Variants in RABEP1 observed in about 807,000 individuals in gnomAD.
RABEP1 encodes the protein rabaptin, RAB GTPase binding effector protein 1.
Under a neutral mutation model 123.4 loss-of-function variants are expected in RABEP1, and 51 were observed. That is an observed-to-expected ratio of 0.41 (90% CI 0.33 to 0.52). The LOEUF (loss-of-function observed/expected upper bound fraction) is 0.52, where lower values mean the gene tolerates loss of function less well. Ranked by LOEUF, RABEP1 falls within the 20% of genes least tolerant of loss-of-function variation. The pLI, the probability that RABEP1 is intolerant of heterozygous loss-of-function variation, is 0.16. For missense variants in RABEP1, 888 were observed against 996.3 expected (o/e 0.89, Z 1.46); for synonymous variants, 347 against 355.2 (o/e 0.98, Z 0.26).
rs8075948 is a variant in RABEP1 at position 5,290,383 on chromosome 17, C to A, written c.34+7863C>A. Among the ~76,000 whole-genome samples, 12 of 152,086 alleles carry A rather than the reference C, an allele frequency of 7.9e-5. No individual in the cohort carries two copies. The South Asian group carries it at 8.3e-4, about 11-fold the overall frequency. On this transcript the variant is annotated intron_variant, in intron 1 of 17. Transcript: ENST00000537505. ...GATTACAGGCGTGAGCCACCGCGCC[C>A]GTCCTCCTTGATTATTCTTAAGTAT... is the stretch of plus-strand genomic sequence containing the variant.
chr17:5,314,757 A>T (rs2075280089), intron 2 of RABEP1, among the ~76,000 whole-genome samples: 1 of 152,150 alleles, frequency 6.6e-6, no homozygotes, highest in African/African-American at 2.4e-5. Context: ...TGACCTTGTG[A>T]TCCGCCCACT....
intron 2 of RABEP1, among the ~76,000 whole-genome samples, chr17:5,325,195 G>A (rs757896662): frequency 5.3e-5 from 8 of 152,022 alleles, no homozygotes; most frequent in Non-Finnish European, 1.2e-4. Flanking sequence ...AATTATCTAG[G>A]CGTAGTGGTG....
At chr17:5,295,219 TA>T (rs998875334) in intron 1 of RABEP1, among the ~76,000 whole-genome samples, 2 of 149,308 alleles carry the variant, frequency 1.3e-5, no homozygotes, top group Non-Finnish European at 1.5e-5. Flanking sequence ...CCGTCTCTAC[TA>T]AAAAAAAATA....
At position 5,307,052 on chromosome 17, in the gene RABEP1, C is replaced by T. The variant is rs1022746258; in HGVS notation, c.35-1642C>T. Among the ~76,000 whole-genome samples, 33 of 152,186 alleles carry T rather than the reference C, an allele frequency of 2.2e-4. 1 individual carries two copies. The highest frequency in any genetic ancestry group is 7.7e-4 in the African/African-American group (32 of 41,444). ...GCTTATGGAAGGCCAGGTGCGGTGG[C>T]TTATGCCTGTAATCCCAGCACTTTG... is the stretch of plus-strand genomic sequence containing the variant. On this transcript the variant is annotated intron_variant, in intron 1 of 17. Transcript: ENST00000537505.
intron 2 of RABEP1, among the ~76,000 whole-genome samples, chr17:5,327,941 T>C (rs1479768129): frequency 3.3e-5 from 5 of 152,148 alleles, no homozygotes; most frequent in African/African-American, 1.2e-4. Flanking sequence ...CATAGGACAA[T>C]GAGAACGTCT....
At chr17:5,336,259 A>G (rs924714517) in intron 4 of RABEP1, among the ~76,000 whole-genome samples, 4 of 152,102 alleles carry the variant, frequency 2.6e-5, no homozygotes, top group African/African-American at 9.7e-5. Flanking sequence ...CATGATTTCC[A>G]CAGTCTTTCA....
intron 3 of RABEP1, among the ~76,000 whole-genome samples, 177 bp from the exon 4 acceptor site, chr17:5,335,005 TTA>T (rs1406664297): frequency 6.6e-6 from 1 of 152,232 alleles, no homozygotes; most frequent in African/African-American, 2.4e-5. Context: ...AAGTGATGAT[TTA>T]AAGCCCTTAT....
At chr17:5,381,823 T>C (rs1187995503) in intron 17 of RABEP1, 1 of 201,910 alleles carries the variant, frequency 5.0e-6, no homozygotes, top group Non-Finnish European at 9.7e-6. Context: ...TTGTTTTACA[T>C]GTTTAACTGC....
At chr17:5,344,446 C>G (rs1907890484) in intron 5 of RABEP1, among the ~76,000 whole-genome samples, 1 of 151,722 alleles carries the variant, frequency 6.6e-6, no homozygotes, top group South Asian at 2.1e-4. Context: ...TCAAAATTGC[C>G]AAGTCCACAA....
Position 5,350,569 on chromosome 17 carries a change from G to A in RABEP1, c.903G>A (p.Met301Ile), listed in dbSNP as rs550225721. The A allele has an allele frequency of 6.2e-7, 1 of 1,614,134 alleles. No individual in the cohort carries two copies. The highest frequency in any genetic ancestry group is 8.5e-7 in the Non-Finnish European group (1 of 1,180,032). Residue 301 changes from methionine to isoleucine, a missense_variant, in exon 7 of 18, where the codon ATG becomes ATA. Physicochemically the swap from Met to Ile is conservative, Grantham distance 10. Transcript: ENST00000537505. ...QRLLMRDMQR[M>I]EIVLTSEQLR... ...TACTGATGAGAGACATGCAGCGAAT[G>A]GAGATTGTGCTAACTTCAGAACAGC...
chr17:5,371,056 T>C (rs1394528631), intron 12 of RABEP1, among the ~76,000 whole-genome samples: 6 of 152,032 alleles, frequency 3.9e-5, no homozygotes, highest in South Asian at 2.1e-4. Context: ...AAGCTCCGCC[T>C]CCCGGGCTCA....
intron 1 of RABEP1, among the ~76,000 whole-genome samples, chr17:5,294,793 G>A (rs376067871): frequency 6.6e-6 from 1 of 150,392 alleles, no homozygotes; most frequent in Non-Finnish European, 1.5e-5. Flanking sequence ...GACTACAGGC[G>A]CCTGCCACCA....
chr17:5,335,144 C>G (rs779257519), intron 3 of RABEP1, 40 bp from the exon 4 acceptor site: 40 of 1,465,842 alleles, frequency 2.7e-5, no homozygotes, highest in Non-Finnish European at 1.6e-5. Flanking sequence ...ATTTTTTTTT[C>G]ATAATGCTTA....
intron 13 of RABEP1, among the ~76,000 whole-genome samples, chr17:5,374,585 C>T (rs1184304171): frequency 1.3e-5 from 2 of 150,528 alleles, no homozygotes; most frequent in East Asian, 1.9e-4. Context: ...TACAGGCGTG[C>T]GCCAGCACGC....
intron 2 of RABEP1, among the ~76,000 whole-genome samples, chr17:5,323,631 C>G (rs1905607273): frequency 6.7e-6 from 1 of 150,104 alleles, no homozygotes; most frequent in African/African-American, 2.4e-5. Context: ...CAACACAGAC[C>G]ATCTTTCCAT....
At chr17:5,358,046 G>C (rs1567541920) in intron 8 of RABEP1, among the ~76,000 whole-genome samples, 3 of 152,126 alleles carry the variant, frequency 2.0e-5, no homozygotes, top group Admixed American at 6.6e-5. Flanking sequence ...AAGGGAGGTG[G>C]TTGGGATATG....
At position 5,373,397 on chromosome 17, in the gene RABEP1, C is replaced by T. The variant is rs773888070; in HGVS notation, c.1968C>T (p.His656=). The change falls in exon 13 of 18, where the codon CAC becomes CAT. Residue 656 remains histidine (H), a synonymous_variant. Transcript: ENST00000537505. Reference sequence around the variant, plus strand: ...ATAATGACAGTCTCCAGGGAAAGCACAGCCTGCATGTGTCATTACAGCAAG... The same window carrying T: ...ATAATGACAGTCTCCAGGGAAAGCATAGCCTGCATGTGTCATTACAGCAAG... The part of the protein sequence containing the change: ...QKDNDSLQGK[H]SLHVSLQQAE... 6.2e-7 allele frequency: 1 copy of T among 1,613,156 alleles called. No homozygotes were observed. The highest frequency in any genetic ancestry group is 1.3e-5 in the African/African-American group (1 of 74,688).
At chr17:5,316,296 A>G (rs561269292) in intron 2 of RABEP1, among the ~76,000 whole-genome samples, 1 of 151,714 alleles carries the variant, frequency 6.6e-6, no homozygotes, top group East Asian at 2.0e-4. Context: ...ACTAAAATAC[A>G]AAAAATTAGC....
chr17:5,343,670 C>CTTTTTTTTTT (rs753410845), intron 5 of RABEP1, among the ~76,000 whole-genome samples: 62 of 99,930 alleles, frequency 6.2e-4, no homozygotes, highest in East Asian at 1.9e-3. Context: ...TTTCTTTTCT[C>CTTTTTTTTTT]TTTTTTTTTT....
Sources: allele counts gnomAD v4.1 joint callset (sites outside exome capture counted in the v4.1 genomes callset), GRCh38; gene constraint gnomAD v4.1.1; transcripts MANE v1.5; gene names NCBI Gene and HGNC (gene_info 2026-07-23, HGNC 2026-07-21).